Variants in HTR1F observed in about 807,000 individuals in gnomAD.
HTR1F encodes the protein 5-hydroxytryptamine receptor 1F.
In HTR1F, 17 loss-of-function variants were observed where a neutral mutation model predicts 24.0. That is an observed-to-expected ratio of 0.71 (90% CI 0.48 to 1.06). The LOEUF is 1.06. HTR1F is among the 50% of genes least tolerant of loss of function. HTR1F has a pLI of 0.00. For synonymous variants in HTR1F, 186 were observed against 156.8 expected, an observed-to-expected ratio of 1.19 and a Z score of -1.39; for missense variants, 391 against 427.8, an observed-to-expected ratio of 0.91 and a Z score of 0.76.
rs1327319952 is a variant in HTR1F at position 87,992,633 on chromosome 3, G to T, written c.*783G>T. The T allele has an allele frequency of 6.0e-6, 1 of 166,916 alleles. No homozygotes were observed. The highest frequency in any genetic ancestry group is 1.5e-5 in the Non-Finnish European group (1 of 68,066). 10.3% of individuals were successfully genotyped at this position (166,916 alleles called of 1,614,324 possible). A position where few individuals can be genotyped will look rare whatever the true frequency, so the allele number is the denominator to read the frequency against. On this transcript the variant is annotated 3_prime_UTR_variant, in exon 3 of 3. Coordinates refer to ENST00000319595, the MANE Select transcript of HTR1F (RefSeq NM_001322209.2). ...GGTGACGTTGTTATAATTGCTCTCTGTTTACTTAGGAATCAAATTTAAAGC... is the reference window on the plus strand; with the variant it reads ...GGTGACGTTGTTATAATTGCTCTCTTTTTACTTAGGAATCAAATTTAAAGC...
chr3:87,953,545 GC>G (rs1704880546), intron 2 of HTR1F, among the ~76,000 whole-genome samples: 1 of 149,788 alleles, frequency 6.7e-6, no homozygotes, highest in African/African-American at 2.5e-5. Context: ...AAAAATGCCA[GC>G]AAGGATGCAG....
chr3:87,944,755 A>T (rs185332196), intron 2 of HTR1F, among the ~76,000 whole-genome samples: 1 of 152,208 alleles, frequency 6.6e-6, no homozygotes, highest in African/African-American at 2.4e-5. Context: ...GTTTCCTCTA[A>T]AAGTTACTTC....
rs200817259 is a variant in HTR1F at position 87,925,812 on chromosome 3, T to A, written c.-42-64896T>A. On this transcript the variant is annotated intron_variant, in intron 2 of 2. Transcript: ENST00000319595. ...CTGCTAGAGATCTCCCCTTTACCAT[T>A]TCTCTACAATCTTGGCTTGGTGCTT... is the stretch of plus-strand genomic sequence containing the variant. 5.9e-5 allele frequency among the ~76,000 whole-genome samples: 9 copies of A among 152,154 alleles called. No homozygotes were observed. In the East Asian group the frequency reaches 9.6e-4, roughly 16 times the overall value.
At chr3:87,810,821 A>G (rs1305184228) in intron 1 of HTR1F, among the ~76,000 whole-genome samples, 1 of 152,188 alleles carries the variant, frequency 6.6e-6, no homozygotes, top group East Asian at 1.9e-4. Context: ...TGGCTTTGAC[A>G]CAGTTTATAT....
At chr3:87,890,863 A>G (rs369673475) in intron 2 of HTR1F, among the ~76,000 whole-genome samples, 22 of 143,432 alleles carry the variant, frequency 1.5e-4, no homozygotes, top group African/African-American at 5.9e-4. Context: ...TTTTTTTGAG[A>G]CAGAGTCTTG....
At chr3:87,930,425 ATAGGTGGCTCTTAATGTT>A (rs1480881795) in intron 2 of HTR1F, among the ~76,000 whole-genome samples, 4 of 152,166 alleles carry the variant, frequency 2.6e-5, no homozygotes, top group African/African-American at 9.7e-5. Context: ...TGGGTTTGTC[ATAGGTGGCTCTTAATGTT>A]TTGAGGTATG....
chr3:87,808,743 T>C (rs1362372136), intron 1 of HTR1F, among the ~76,000 whole-genome samples: 2 of 151,950 alleles, frequency 1.3e-5, no homozygotes, highest in Non-Finnish European at 2.9e-5. Context: ...TATGTGGGCA[T>C]TTATTCTATC....
At chr3:87,966,910 T>C (rs1391352906) in intron 2 of HTR1F, among the ~76,000 whole-genome samples, 1 of 152,072 alleles carries the variant, frequency 6.6e-6, no homozygotes, top group East Asian at 1.9e-4. Context: ...AGAAATAATT[T>C]GCATTAACTC....
chr3:87,914,825 C>G (rs943335854), intron 2 of HTR1F, among the ~76,000 whole-genome samples: 1 of 152,076 alleles, frequency 6.6e-6, no homozygotes, highest in South Asian at 2.1e-4. Context: ...CCACTATTTC[C>G]TCCCCATACT....
chr3:87,836,837 C>G (rs1344797315), intron 2 of HTR1F, among the ~76,000 whole-genome samples: 1 of 151,892 alleles, frequency 6.6e-6, no homozygotes, highest in Non-Finnish European at 1.5e-5. Context: ...CCCATTTTTT[C>G]TTTTTGTACT....
chr3:87,970,278 T>G (rs1705258017), intron 2 of HTR1F, among the ~76,000 whole-genome samples: 1 of 152,206 alleles, frequency 6.6e-6, no homozygotes, highest in South Asian at 2.1e-4. Flanking sequence ...TAAGCATGTA[T>G]CTGAATCCTC....
intron 2 of HTR1F, among the ~76,000 whole-genome samples, chr3:87,884,069 A>G (rs1302250125): frequency 1.3e-5 from 2 of 152,198 alleles, no homozygotes; most frequent in Non-Finnish European, 2.9e-5. Context: ...GAAATGAAGG[A>G]AAAAATGTTA....
intron 2 of HTR1F, among the ~76,000 whole-genome samples, chr3:87,861,304 G>A (rs777360647): frequency 6.6e-6 from 1 of 152,024 alleles, no homozygotes; most frequent in African/African-American, 2.4e-5. Flanking sequence ...AGAACATTTT[G>A]TTCACTCTTC....
chr3:87,967,348 G>T (rs1480316488), intron 2 of HTR1F, among the ~76,000 whole-genome samples: 1 of 152,110 alleles, frequency 6.6e-6, no homozygotes, highest in East Asian at 1.9e-4. Context: ...TACTCAGGAG[G>T]CTGAGGCAGG....
intron 1 of HTR1F, among the ~76,000 whole-genome samples, chr3:87,819,300 T>C (rs1404199033): frequency 6.6e-6 from 1 of 152,136 alleles, no homozygotes; most frequent in Non-Finnish European, 1.5e-5. Context: ...ATATGGGCAT[T>C]TGTGTTTTTG....
At chr3:87,811,526 G>T (rs1704160745) in intron 1 of HTR1F, among the ~76,000 whole-genome samples, 1 of 152,140 alleles carries the variant, frequency 6.6e-6, no homozygotes, top group Non-Finnish European at 1.5e-5. Context: ...AATAGGAAAA[G>T]AAAAGTATTA....
intron 2 of HTR1F, among the ~76,000 whole-genome samples, chr3:87,852,802 G>A (rs1461372758): frequency 6.6e-6 from 1 of 151,544 alleles, no homozygotes; most frequent in Non-Finnish European, 1.5e-5. Flanking sequence ...TGAGAAATTT[G>A]TTTTATGTGT....
chr3:87,991,284 A>G lies in HTR1F; in HGVS notation c.535A>G (p.Ile179Val), dbSNP rs1410203544. The G allele has an allele frequency of 1.9e-6, 3 of 1,613,910 alleles. No homozygotes were observed. Among genetic ancestry groups the G allele is most frequent in the African/African-American group, 2.7e-5 (2 of 74,904 alleles). Residue 179 changes from isoleucine to valine, a missense_variant, in exon 3 of 3, where the codon ATT becomes GTT. Transcript: ENST00000319595. ...DDECIIKHDH[I>V]VSTIYSTFGA... ...TGAATGCATCATCAAGCACGACCAC[A>G]TTGTTTCCACCATTTACTCAACATT... is the stretch of plus-strand genomic sequence containing the variant.
chr3:87,870,335 T>C (rs373121255), intron 2 of HTR1F, among the ~76,000 whole-genome samples: 9 of 152,090 alleles, frequency 5.9e-5, no homozygotes, highest in Non-Finnish European at 1.2e-4. Flanking sequence ...AGTAGTAAGA[T>C]GGAAGAATTC....
Sources: gnomAD v4.1 joint callset for allele counts (sites outside exome capture counted in the v4.1 genomes callset) on GRCh38, gnomAD v4.1.1 for gene constraint, MANE v1.5 for transcripts, NCBI Gene and HGNC (gene_info 2026-07-23, HGNC 2026-07-21) for gene names.